MACC1: variants seen among roughly 807,000 people sequenced by gnomAD.
MACC1 encodes the protein metastasis-associated in colon cancer protein 1.
A neutral mutation model predicts 70.7 loss-of-function variants in MACC1; 79 were observed. The ratio of observed to expected loss-of-function variants is 1.12; its 90% CI spans 0.93 to 1.35. MACC1 has a LOEUF of 1.35. Among genes scored for constraint, MACC1 ranks in the 40% most tolerant of loss-of-function variants. The pLI is 0.00. For missense variants in MACC1, 1,106 were observed against 978.1 expected, an observed-to-expected ratio of 1.13 and a Z score of -1.74; for synonymous variants, 361 against 347.2, an observed-to-expected ratio of 1.04 and a Z score of -0.44.
At chr7:20,202,907 G>A (rs867777054) in intron 1 of MACC1, among the ~76,000 whole-genome samples, 24 of 152,182 alleles carry the variant, frequency 1.6e-4, no homozygotes, top group Admixed American at 3.9e-4. Context: ...GAAATCCATA[G>A]ATTGTATGTT....
intron 1 of MACC1, among the ~76,000 whole-genome samples, chr7:20,210,522 G>A (rs374112515): frequency 3.9e-4 from 59 of 152,260 alleles, no homozygotes; most frequent in Middle Eastern, 3.4e-3. Flanking sequence ...AATGAATGAC[G>A]CTACCTACGT....
At chr7:20,210,348 A>C (rs570116884) in intron 1 of MACC1, among the ~76,000 whole-genome samples, 4 of 152,288 alleles carry the variant, frequency 2.6e-5, no homozygotes, top group African/African-American at 9.6e-5. Context: ...TCCACAGCCT[A>C]GGTTAGGCAT....
Position 20,204,356 on chromosome 7 carries a change from G to T in MACC1, c.-218+12943C>A, listed in dbSNP as rs570259114. 2.0e-5 allele frequency among the ~76,000 whole-genome samples: 3 copies of T among 152,168 alleles called. No individual in the cohort carries two copies. The South Asian group carries it at 6.2e-4, about 32-fold the overall frequency. ...TTTTTAGTAGAGATGGGGTTTCACC[G>T]TGTTAGCCAGGATGGTCTCGATCTC... On this transcript the variant is annotated intron_variant, in intron 1 of 6. Coordinates refer to ENST00000400331, the MANE Select transcript of MACC1 (RefSeq NM_182762.4).
intron 1 of MACC1, among the ~76,000 whole-genome samples, chr7:20,191,638 T>G (rs930031321): frequency 1.3e-5 from 2 of 152,150 alleles, no homozygotes; most frequent in Non-Finnish European, 2.9e-5. Flanking sequence ...AGCTTCAAGT[T>G]GTTGTGGAAG....
intron 1 of MACC1, among the ~76,000 whole-genome samples, chr7:20,210,624 T>C (rs1028990313): frequency 3.3e-5 from 5 of 152,222 alleles, no homozygotes; most frequent in African/African-American, 1.2e-4. Flanking sequence ...AATTAGATGT[T>C]ACCTATCCTT....
At chr7:20,199,146 C>G (rs945440095) in intron 1 of MACC1, among the ~76,000 whole-genome samples, 2 of 152,172 alleles carry the variant, frequency 1.3e-5, no homozygotes, top group Non-Finnish European at 2.9e-5. Context: ...AGGACTATCT[C>G]AGGAGAAAAG....
intron 1 of MACC1, among the ~76,000 whole-genome samples, chr7:20,196,443 C>A (rs1356039354): frequency 6.6e-6 from 1 of 152,210 alleles, no homozygotes; most frequent in South Asian, 2.1e-4. Context: ...GCCTCCCAAA[C>A]TGCTGGGATT....
Position 20,177,158 on chromosome 7 carries a change from T to C in MACC1, c.-217-6380A>G, listed in dbSNP as rs566659732. On this transcript the variant is annotated intron_variant, in intron 1 of 6. Coordinates refer to ENST00000400331, the MANE Select transcript of MACC1 (RefSeq NM_182762.4). ...GGAAGGTATATAGGATTTTGTACTATCTTTCCAAATTCCTGGGACTCTATG... is the reference window on the plus strand; with the variant it reads ...GGAAGGTATATAGGATTTTGTACTACCTTTCCAAATTCCTGGGACTCTATG... Among the ~76,000 whole-genome samples the C allele has an allele frequency of 4.6e-5, 7 of 152,296 alleles. No individual in the cohort carries two copies. In the South Asian group the frequency reaches 1.4e-3, roughly 32 times the overall value.
At chr7:20,179,034 G>C (rs1782458164) in intron 1 of MACC1, among the ~76,000 whole-genome samples, 1 of 151,972 alleles carries the variant, frequency 6.6e-6, no homozygotes, top group African/African-American at 2.4e-5. Context: ...CTTTTCTTCA[G>C]ATTTATTAAC....
chr7:20,182,791 C>T (rs1437363702), intron 1 of MACC1, among the ~76,000 whole-genome samples: 1 of 152,016 alleles, frequency 6.6e-6, no homozygotes, highest in Non-Finnish European at 1.5e-5. Flanking sequence ...TCATATATGG[C>T]CCTTTCACAG....
intron 1 of MACC1, among the ~76,000 whole-genome samples, chr7:20,202,042 T>C (rs1402692074): frequency 6.6e-6 from 1 of 152,234 alleles, no homozygotes; most frequent in African/African-American, 2.4e-5. Flanking sequence ...ATTATGAATT[T>C]TATTTATCTT....
chr7:20,205,828 T>C (rs1487413165), intron 1 of MACC1, among the ~76,000 whole-genome samples: 1 of 152,146 alleles, frequency 6.6e-6, no homozygotes, highest in Non-Finnish European at 1.5e-5. Context: ...TCCCCAGAGC[T>C]GCAGAACTGT....
chr7:20,169,838 A>G (rs1782276295), intron 2 of MACC1, among the ~76,000 whole-genome samples: 1 of 152,222 alleles, frequency 6.6e-6, no homozygotes, highest in Non-Finnish European at 1.5e-5. Context: ...ATAAGGATCA[A>G]ATGAAATACT....
rs1583410758 is a variant in MACC1, at chr7:20,202,102, T to C, written c.-218+15197A>G. ...AAATGCCAGCAGAAAATGAGTCTGG[T>C]CTCAAAACCATGTCCGCACATCCAA... On this transcript the variant is annotated intron_variant, in intron 1 of 6. Transcript: ENST00000400331. Among the ~76,000 whole-genome samples the C allele has an allele frequency of 2.6e-5, 4 of 152,226 alleles. No homozygotes were observed. The South Asian group carries it at 8.3e-4, about 32-fold the overall frequency.
chr7:20,195,705 T>A (rs148835433), intron 1 of MACC1, among the ~76,000 whole-genome samples: 2 of 152,374 alleles, frequency 1.3e-5, no homozygotes, highest in Non-Finnish European at 2.9e-5. Flanking sequence ...AGTTATGGCT[T>A]GTGGAACAGG....
intron 1 of MACC1, among the ~76,000 whole-genome samples, chr7:20,176,819 G>C (rs1392894313): frequency 6.6e-6 from 1 of 152,128 alleles, no homozygotes; most frequent in Non-Finnish European, 1.5e-5. Context: ...AAACAAGCCA[G>C]TCGCATAAGG....
In MACC1 at chr7:20,161,510, T is replaced by C. The variant is rs544781700; in HGVS notation, c.115+238A>G. 3.3e-5 allele frequency among the ~76,000 whole-genome samples: 5 copies of C among 152,188 alleles called. No homozygotes were observed. The South Asian group carries it at 1.0e-3, about 32-fold the overall frequency. On this transcript the variant is annotated intron_variant, in intron 4 of 6. Coordinates refer to ENST00000400331, the MANE Select transcript of MACC1 (RefSeq NM_182762.4). ...AGCCTTTTTACCCCCAAATTCATTA[T>C]AGTTATTGCATATAACACTCATTTA...
chr7:20,188,118 C>T (rs1782617382), intron 1 of MACC1, among the ~76,000 whole-genome samples: 1 of 152,166 alleles, frequency 6.6e-6, no homozygotes, highest in Non-Finnish European at 1.5e-5. Context: ...AACTCACTCA[C>T]TATCTCAAGA....
intron 1 of MACC1, among the ~76,000 whole-genome samples, chr7:20,202,072 G>T (rs947853476): frequency 6.6e-6 from 1 of 152,134 alleles, no homozygotes; most frequent in African/African-American, 2.4e-5. Context: ...AAGCTATCTG[G>T]GTTCAAATGC....
Sources: allele counts gnomAD v4.1 joint callset (sites outside exome capture counted in the v4.1 genomes callset), GRCh38; gene constraint gnomAD v4.1.1; transcripts MANE v1.5; gene names NCBI Gene and HGNC (gene_info 2026-07-23, HGNC 2026-07-21).